Variants in FKBP8 observed in about 807,000 individuals in gnomAD.
FKBP8 encodes FKBP prolyl isomerase 8.
In FKBP8, 5 loss-of-function variants were observed where a neutral mutation model predicts 41.7. That is an observed-to-expected ratio of 0.12 (90% confidence interval 0.06 to 0.25). The LOEUF (loss-of-function observed/expected upper bound fraction) is 0.25. Ranked by LOEUF, FKBP8 falls within the 10% of genes least tolerant of loss-of-function variation. FKBP8 has a pLI of 1.00. For missense variants in FKBP8, 397 were observed against 563.0 expected (o/e 0.71, Z 2.98); for synonymous variants, 279 against 254.5 (o/e 1.10, Z -0.92).
At chr19:18,542,158 T>C in intron 1 of FKBP8, 163 bp from the exon 2 acceptor site, 1 of 1,043,118 alleles carries the variant, frequency 9.6e-7, no homozygotes, top group Non-Finnish European at 1.3e-6. Flanking sequence ...CCCAGCTTGT[T>C]GGGAGAAATT....
chr19:18,533,137 C>T, intron 7 of FKBP8, 133 bp downstream of exon 7: 2 of 842,354 alleles, frequency 2.4e-6, no homozygotes, highest in Non-Finnish European at 3.6e-6. Flanking sequence ...CTGACCAGGA[C>T]CCTTCAGGTA....
chr19:18,541,144 TGTGGGGGCTC>T (rs1463625915), intron 2 of FKBP8, among the ~76,000 whole-genome samples: 1 of 151,966 alleles, frequency 6.6e-6, no homozygotes, highest in Non-Finnish European at 1.5e-5. Context: ...GGGGGGAACA[TGTGGGGGCTC>T]ATGTAGTTTT....
At chr19:18,532,852 C>T in intron 7 of FKBP8, 57 bp from the exon 8 acceptor site, 2 of 1,597,666 alleles carry the variant, frequency 1.3e-6, no homozygotes, top group Non-Finnish European at 1.7e-6. Flanking sequence ...ATCACTGGCG[C>T]TCTGCCTTAC....
chr19:18,543,373 G>T (rs1446328278), intron 1 of FKBP8, 113 bp downstream of exon 1: 1 of 101,976 alleles, frequency 9.8e-6, no homozygotes, highest in Non-Finnish European at 1.9e-5. Flanking sequence ...CCACCCCCGC[G>T]GCCCCTCGCC....
intron 6 of FKBP8, among the ~76,000 whole-genome samples, chr19:18,533,702 T>C (rs1203712298): frequency 1.3e-5 from 2 of 150,352 alleles, no homozygotes; most frequent in African/African-American, 4.9e-5. Context: ...CAACCCTGTC[T>C]TAAAAAAAGA....
intron 8 of FKBP8, 105 bp downstream of exon 8, chr19:18,532,559 G>A (rs969167048): frequency 4.0e-6 from 6 of 1,502,826 alleles, no homozygotes; most frequent in Non-Finnish European, 4.5e-6. Context: ...CCCCTGCATC[G>A]CCCAGGACGG....
chr19:18,543,150 A>G, intron 1 of FKBP8: 1 of 263,914 alleles, frequency 3.8e-6, no homozygotes, highest in South Asian at 2.7e-5. Flanking sequence ...CCCTCAGTCA[A>G]GCCGCGACCC....
Position 18,532,717 on chromosome 19 carries a change from T to C in FKBP8, c.1102A>G (p.Met368Val). 1 of 1,614,082 alleles carries C rather than the reference T, an allele frequency of 6.2e-7. No individual in the cohort carries two copies. Among genetic ancestry groups the C allele is most frequent in the Non-Finnish European group, 8.5e-7 (1 of 1,180,022 alleles). Residue 368 changes from methionine to valine, a missense_variant, in exon 8 of 9, where the codon ATG (methionine) becomes GTG (valine). Met to Val is a conservative substitution (Grantham distance 21, BLOSUM62 1). Transcript: ENST00000608443. The stretch of plus-strand genomic sequence containing the variant: ...GGCAGCCGGCTGGGGTTGCCCAGCA[T>C]TTTCCGGTACAAGGCGGTCTCCGTG... Reference protein sequence around the residue: ...RSTETALYRKMLGNPSRLPAK... With the variant: ...RSTETALYRKVLGNPSRLPAK...
At position 18,532,778 on chromosome 19, in the gene FKBP8, G is replaced by C; in HGVS notation, c.1041C>G (p.Leu347=). The change falls in exon 8 of 9, where the codon CTC becomes CTG. Residue 347 remains leucine (L), a synonymous_variant. Transcript: ENST00000608443. The stretch of plus-strand genomic sequence containing the variant: ...CCGCATGCTTCTTCACCAGCTTTGA[G>C]AGCTCTGCGTGGATCGTCTGCAGAA... The part of the protein sequence containing the change: ...EPSNKTIHAE[L]SKLVKKHAAQ... 1 of 1,614,050 alleles carries C rather than the reference G, an allele frequency of 6.2e-7. No homozygotes were observed. The highest frequency in any genetic ancestry group is 1.3e-5 in the African/African-American group (1 of 75,068).
rs752925784 is a variant in FKBP8 at position 18,541,714 on chromosome 19, G to A, written c.257C>T (p.Pro86Leu). The A allele has an allele frequency of 2.5e-6, 4 of 1,612,358 alleles. No individual in the cohort carries two copies. Among genetic ancestry groups the A allele is most frequent in the Non-Finnish European group, 1.7e-6 (2 of 1,179,006 alleles). ...FLAAMEPEPAPAPAPEEWLDI... is the reference protein window; with the variant it reads ...FLAAMEPEPALAPAPEEWLDI... ...CAGCCACTCTTCTGGGGCCGGGGCTGGGGCGGGCTCGGGCTCCATGGCAGC... is the reference window on the plus strand; with the variant it reads ...CAGCCACTCTTCTGGGGCCGGGGCTAGGGCGGGCTCGGGCTCCATGGCAGC... The change falls in exon 2 of 9, where the codon CCA becomes CTA. Residue 86 changes from proline to leucine, a missense_variant. Transcript: ENST00000608443.
At chr19:18,543,000 C>T in intron 1 of FKBP8, 1 of 871,216 alleles carries the variant, frequency 1.1e-6, no homozygotes, top group Non-Finnish European at 1.5e-6. Context: ...CCCACCCCAA[C>T]CACCACCGCC....
Position 18,538,260 on chromosome 19 carries a change from T to C in FKBP8, c.728A>G (p.Asn243Ser). ...AGCCTTGATGGCGAGGTCGTAGGAGTTGGCGGCCAGGACGAAGTCCGCCCG... is the reference window on the plus strand; with the variant it reads ...AGCCTTGATGGCGAGGTCGTAGGAGCTGGCGGCCAGGACGAAGTCCGCCCG... Reference protein sequence around the residue: ...YQRADFVLAANSYDLAIKAIT... With the variant: ...YQRADFVLAASSYDLAIKAIT... The change falls in exon 5 of 9, where the codon AAC (asparagine) becomes AGC (serine). Residue 243 changes from asparagine to serine, a missense_variant. By Grantham distance (46) the Asn-to-Ser change is conservative. Coordinates refer to ENST00000608443, the MANE Select transcript of FKBP8 (RefSeq NM_012181.5). This position sits in a 1 kb window ranked among gnomAD's most constrained non-coding sequence, Gnocchi z 4.0. 4 of 1,613,146 alleles carry C rather than the reference T, an allele frequency of 2.5e-6. No homozygotes were observed. The highest frequency in any genetic ancestry group is 3.4e-6 in the Non-Finnish European group (4 of 1,179,512).
At chr19:18,542,976 C>G in intron 1 of FKBP8, 3 of 1,112,498 alleles carry the variant, frequency 2.7e-6, no homozygotes, top group Non-Finnish European at 3.5e-6. Context: ...ACAATTCGGC[C>G]TCCCCTCCCA....
Position 18,534,978 on chromosome 19 carries a change from T to C in FKBP8, c.946-1631A>G, listed in dbSNP as rs374818944. On this transcript the variant is annotated intron_variant, in intron 6 of 8. Transcript: ENST00000608443. Reference sequence around the variant, plus strand: ...TTTTGTATTTTTAGTAGAGACAGGGTTTTACCATGTTGGCCAGGCTGGTCT... The same window carrying C: ...TTTTGTATTTTTAGTAGAGACAGGGCTTTACCATGTTGGCCAGGCTGGTCT... 9.2e-5 allele frequency among the ~76,000 whole-genome samples: 14 copies of C among 151,894 alleles called. No individual in the cohort carries two copies. In the East Asian group the frequency reaches 1.6e-3, roughly 17 times the overall value.
Position 18,541,803 on chromosome 19 carries a change from C to T in FKBP8, c.168G>A (p.Glu56=). Reference sequence around the variant, plus strand: ...CCTCCGCCGGGGGTTGTCCCATGTCCTCCAGCGGTGGCAGCTCACTCAGGT... The same window carrying T: ...CCTCCGCCGGGGGTTGTCCCATGTCTTCCAGCGGTGGCAGCTCACTCAGGT... ...EDDLSELPPL[E]DMGQPPAEEA... The change falls in exon 2 of 9, where the codon GAG becomes GAA. Residue 56 remains glutamate, a synonymous_variant. Transcript: ENST00000608443. 6.2e-7 allele frequency: 1 copy of T among 1,613,864 alleles called. No homozygotes were observed. Among genetic ancestry groups the T allele is most frequent in the African/African-American group, 1.3e-5 (1 of 75,046 alleles).
intron 2 of FKBP8, 76 bp from the exon 3 acceptor site, chr19:18,539,796 T>C: frequency 5.2e-6 from 8 of 1,524,466 alleles, no homozygotes; most frequent in Non-Finnish European, 7.1e-6. Flanking sequence ...CCCCCACTCC[T>C]ACCCTCAGCT....
At chr19:18,542,942 A>G in intron 1 of FKBP8, 1 of 302,122 alleles carries the variant, frequency 3.3e-6, no homozygotes. Flanking sequence ...CCCAGCCCCC[A>G]CCCCCATAAT....
At chr19:18,542,931 TCCCA>T in intron 1 of FKBP8, 1 of 1,201,868 alleles carries the variant, frequency 8.3e-7, no homozygotes, top group Non-Finnish European at 1.1e-6. Flanking sequence ...TGAGAGACCC[TCCCA>T]GCCCCCACCC....
At position 18,541,800 on chromosome 19, in the gene FKBP8, G is replaced by A; in HGVS notation, c.171C>T (p.Asp57=). 2.5e-6 allele frequency: 4 copies of A among 1,613,848 alleles called. No individual in the cohort carries two copies. Among genetic ancestry groups the A allele is most frequent in the Non-Finnish European group, 3.4e-6 (4 of 1,179,882 alleles). The change falls in exon 2 of 9, where the codon GAC becomes GAT. Residue 57 remains aspartate, a synonymous_variant. Coordinates refer to ENST00000608443, the MANE Select transcript of FKBP8 (RefSeq NM_012181.5). ...CCTCCTCCGCCGGGGGTTGTCCCAT[G>A]TCCTCCAGCGGTGGCAGCTCACTCA... ...DDLSELPPLE[D]MGQPPAEEAE...
Sources: allele counts gnomAD v4.1 joint callset (sites outside exome capture counted in the v4.1 genomes callset), GRCh38; gene constraint gnomAD v4.1.1; non-coding constraint Gnocchi (gnomAD v3.1); transcripts MANE v1.5; gene names NCBI Gene and HGNC (gene_info 2026-07-23, HGNC 2026-07-21).